Variants in SCML4 observed in about 807,000 individuals in gnomAD.
SCML4 encodes the protein Scm polycomb group protein like 4, also known as sex comb on midleg-like protein 4.
Under a neutral mutation model 41.1 loss-of-function variants are expected in SCML4, and 34 were observed. That is an observed-to-expected ratio of 0.83 (90% confidence interval 0.63 to 1.10). The LOEUF is 1.10. Among genes scored for constraint, SCML4 ranks in the 50% least tolerant of loss-of-function variants. The probability of loss-of-function intolerance (pLI) is 0.00; values close to 1 mark genes in which losing one functional copy is unlikely to be tolerated. For synonymous variants in SCML4, 214 were observed against 220.9 expected (o/e 0.97, Z 0.28); for missense variants, 522 against 534.1 (o/e 0.98, Z 0.22).
Position 107,720,884 on chromosome 6 carries a change from G to A in SCML4, c.792C>T (p.Ser264=). The change falls in exon 6 of 8, where the codon TCC becomes TCT. Residue 264 remains serine (S), a synonymous_variant. Coordinates refer to ENST00000369020, the MANE Select transcript of SCML4 (RefSeq NM_198081.5). ...TFNHRGSLHP[S]SSLYCKRQNS... is the part of the protein sequence containing the mutation. ...TCTGCCTCTTGCAGTACAGCGAGGA[G>A]GAGGGGTGCAAGGAGCCCCTGTGGT... 6.2e-7 allele frequency: 1 copy of A among 1,614,232 alleles called. No individual in the cohort carries two copies.
At chr6:107,720,665 GT>G in intron 6 of SCML4, 37 bp downstream of exon 6, 1 of 1,505,084 alleles carries the variant, frequency 6.6e-7, no homozygotes, top group Non-Finnish European at 8.9e-7. Flanking sequence ...GGCAAGGGAT[GT>G]TAAGTCAGTG....
At chr6:107,837,573 G>A in the SCML4 span, among the ~76,000 whole-genome samples, 1 of 152,274 alleles carries the variant, frequency 6.6e-6, no homozygotes, top group East Asian at 1.9e-4. Context: ...ACTGGAGACA[G>A]GTCACCCAAC....
chr6:107,800,077 C>G (rs1782997118), intron 1 of SCML4, among the ~76,000 whole-genome samples: 1 of 151,344 alleles, frequency 6.6e-6, no homozygotes, highest in African/African-American at 2.4e-5. Flanking sequence ...TCTTGAACTC[C>G]TGGGTTCAAG....
intron 1 of SCML4, among the ~76,000 whole-genome samples, chr6:107,820,673 GA>G (rs1784881098): frequency 6.6e-6 from 1 of 152,128 alleles, no homozygotes. Flanking sequence ...GTGCAACAAT[GA>G]AAAACGCTTA....
chr6:107,716,630 T>A (rs1053147667), intron 6 of SCML4, among the ~76,000 whole-genome samples: 50 of 152,164 alleles, frequency 3.3e-4, no homozygotes, highest in African/African-American at 1.1e-3. Context: ...GTAAGAACTA[T>A]AGATGAGGAA....
In SCML4 at chr6:107,817,342, G is replaced by T. The variant is rs567951537; in HGVS notation, c.-60+6784C>A. ...CTGAATGTACCTTTTTCTAGGCCAG[G>T]TGCAATGGCTCACGCCTTAATCCCA... On this transcript the variant is annotated intron_variant, in intron 1 of 7. Coordinates refer to ENST00000369020, the MANE Select transcript of SCML4 (RefSeq NM_198081.5). Among the ~76,000 whole-genome samples, 14 of 152,264 alleles carry T rather than the reference G, an allele frequency of 9.2e-5. No homozygotes were observed. In the East Asian group the frequency reaches 2.5e-3, roughly 27 times the overall value.
chr6:107,746,672 C>G lies in SCML4; in HGVS notation c.487+17G>C. On this transcript the variant is annotated intron_variant, in intron 4 of 7. Coordinates refer to ENST00000369020, the MANE Select transcript of SCML4 (RefSeq NM_198081.5). ...AGACATCCATGGCCTCCTCATGCAA[C>G]CTGCCCCAGGCCTTACCTGACACCA... The G allele has an allele frequency of 6.2e-7, 1 of 1,609,738 alleles. No individual in the cohort carries two copies. The highest frequency in any genetic ancestry group is 8.5e-7 in the Non-Finnish European group (1 of 1,176,806).
At chr6:107,723,969 G>C (rs1775696742) in intron 5 of SCML4, among the ~76,000 whole-genome samples, 1 of 152,070 alleles carries the variant, frequency 6.6e-6, no homozygotes, top group Non-Finnish European at 1.5e-5. Context: ...CCATGACCAA[G>C]TAGGATTTAT....
At chr6:107,826,294 G>A (rs573630798), upstream of SCML4, among the ~76,000 whole-genome samples, 1 of 130,504 alleles carries the variant, frequency 7.7e-6, no homozygotes, top group Non-Finnish European at 1.5e-5. Context: ...GAAAAGAAAA[G>A]AAAGAAAAGA....
At chr6:107,729,981 C>A (rs1352109773) in intron 5 of SCML4, among the ~76,000 whole-genome samples, 2 of 152,168 alleles carry the variant, frequency 1.3e-5, no homozygotes, top group Non-Finnish European at 2.9e-5. Flanking sequence ...AGCCTCAATT[C>A]TTCTTGCTTC....
chr6:107,829,723 T>C, the SCML4 span, among the ~76,000 whole-genome samples: 1 of 152,336 alleles, frequency 6.6e-6, no homozygotes, highest in African/African-American at 2.4e-5. Context: ...CTGCACGTTC[T>C]GCACATGTAT....
chr6:107,828,932 A>C (rs1170266267), upstream of SCML4, among the ~76,000 whole-genome samples: 1 of 152,238 alleles, frequency 6.6e-6, no homozygotes, highest in Non-Finnish European at 1.5e-5. Flanking sequence ...AACAAAAAAC[A>C]ACCTAAATCA....
chr6:107,788,006 C>T (rs1782030806), intron 1 of SCML4, among the ~76,000 whole-genome samples: 1 of 152,148 alleles, frequency 6.6e-6, no homozygotes, highest in Non-Finnish European at 1.5e-5. Context: ...CACCTCGGAC[C>T]CAGGGAACAA....
chr6:107,779,104 C>T (rs1035309936), intron 1 of SCML4, among the ~76,000 whole-genome samples: 1 of 151,930 alleles, frequency 6.6e-6, no homozygotes, highest in Non-Finnish European at 1.5e-5. Flanking sequence ...GGCGGGAACC[C>T]GGGAGGCGGA....
At chr6:107,818,790 T>C (rs902805780) in intron 1 of SCML4, among the ~76,000 whole-genome samples, 2 of 152,166 alleles carry the variant, frequency 1.3e-5, no homozygotes, top group African/African-American at 4.8e-5. Context: ...AAAACAGGAT[T>C]AAAATCCTGA....
intron 1 of SCML4, among the ~76,000 whole-genome samples, chr6:107,813,371 T>A (rs1424388795): frequency 0.042 from 81 of 1,916 alleles, 3 homozygotes; most frequent in East Asian, 0.11. Flanking sequence ...TCAAAAAAAT[T>A]ATATATATAT....
chr6:107,779,967 C>A (rs1228348182), intron 1 of SCML4, among the ~76,000 whole-genome samples: 1 of 152,194 alleles, frequency 6.6e-6, no homozygotes, highest in African/African-American at 2.4e-5. Context: ...ACAGTTTTCC[C>A]TTTGTTTTGA....
intron 6 of SCML4, among the ~76,000 whole-genome samples, chr6:107,716,799 C>A (rs1774851570): frequency 6.6e-6 from 1 of 152,154 alleles, no homozygotes; most frequent in Non-Finnish European, 1.5e-5. Flanking sequence ...TTCCCAGCAT[C>A]CCTTGCAGCA....
chr6:107,810,257 CCA>C (rs1784063513), intron 1 of SCML4, among the ~76,000 whole-genome samples: 1 of 152,118 alleles, frequency 6.6e-6, no homozygotes, highest in Non-Finnish European at 1.5e-5. Context: ...TGGGTAGGGC[CCA>C]GAATCACCTG....
Sources: allele counts gnomAD v4.1 joint callset (sites outside exome capture counted in the v4.1 genomes callset), GRCh38; gene constraint gnomAD v4.1.1; transcripts MANE v1.5; gene names NCBI Gene and HGNC (gene_info 2026-07-23, HGNC 2026-07-21).